SPRED1: variants seen among roughly 807,000 people sequenced by gnomAD.
SPRED1 encodes sprouty-related, EVH1 domain-containing protein 1.
Under a neutral mutation model 52.3 loss-of-function variants are expected in SPRED1, and 18 were observed. The ratio of observed to expected loss-of-function variants is 0.34; its 90% CI spans 0.24 to 0.51. The LOEUF is 0.51. Ranked by LOEUF, SPRED1 falls within the 20% of genes least tolerant of loss-of-function variation. The probability of loss-of-function intolerance (pLI) is 0.97; values close to 1 mark genes in which losing one functional copy is unlikely to be tolerated. For missense variants in SPRED1, 485 were observed against 551.0 expected (o/e 0.88, Z 1.20); for synonymous variants, 155 against 179.7 (o/e 0.86, Z 1.10).
intron 2 of SPRED1, among the ~76,000 whole-genome samples, chr15:38,319,731 T>C (rs1895563615): frequency 6.6e-6 from 1 of 152,212 alleles, no homozygotes; most frequent in South Asian, 2.1e-4. Flanking sequence ...AGCAAAAGTC[T>C]TGAGAGAATT....
At chr15:38,298,511 TAA>T in intron 1 of SPRED1, 1 of 324,940 alleles carries the variant, frequency 3.1e-6, no homozygotes, top group Non-Finnish European at 5.8e-6. Context: ...ACTACTTAGT[TAA>T]AAAAAATTAA....
chr15:38,311,251 C>T (rs1341941875), intron 2 of SPRED1, among the ~76,000 whole-genome samples: 1 of 152,068 alleles, frequency 6.6e-6, no homozygotes, highest in East Asian at 1.9e-4. Flanking sequence ...ATTGAACCAG[C>T]CCTGTTTCTG....
At chr15:38,304,408 A>G (rs1895209896) in intron 2 of SPRED1, among the ~76,000 whole-genome samples, 2 of 152,326 alleles carry the variant, frequency 1.3e-5, no homozygotes, top group East Asian at 1.9e-4. Context: ...CTTGAAAGAT[A>G]CTAGTTCCCC....
chr15:38,272,540 G>T (rs1416133795), intron 1 of SPRED1, among the ~76,000 whole-genome samples: 1 of 152,144 alleles, frequency 6.6e-6, no homozygotes. Flanking sequence ...AAAGTGCTGG[G>T]ATTACAGGTG....
At chr15:38,300,848 A>G (rs1215328160) in intron 2 of SPRED1, among the ~76,000 whole-genome samples, 1 of 152,142 alleles carries the variant, frequency 6.6e-6, no homozygotes, top group East Asian at 1.9e-4. Flanking sequence ...TTAAGCCTGG[A>G]GACATCTAAG....
At chr15:38,277,685 C>T (rs745599060) in intron 1 of SPRED1, among the ~76,000 whole-genome samples, 5 of 152,202 alleles carry the variant, frequency 3.3e-5, no homozygotes, top group South Asian at 2.1e-4. Flanking sequence ...TTTCAGAAAT[C>T]GCCAAACTGC....
At chr15:38,282,524 C>A (rs560114380) in intron 1 of SPRED1, among the ~76,000 whole-genome samples, 6 of 151,212 alleles carry the variant, frequency 4.0e-5, no homozygotes, top group African/African-American at 1.5e-4. Context: ...AAAAAAAATT[C>A]TTATTTCATT....
intron 4 of SPRED1, among the ~76,000 whole-genome samples, chr15:38,336,598 A>G (rs1895928282): frequency 6.6e-6 from 1 of 151,710 alleles, no homozygotes; most frequent in Admixed American, 6.6e-5. Context: ...AATACTACTC[A>G]ACCATAAAAA....
rs1442150511 is a variant in SPRED1 at position 38,299,293 on chromosome 15, T to C, written c.33-80T>C. Reference sequence around the variant, plus strand: ...ACCACATGTTAACTAATGTGTTCTTTGGTTTCTCAAACAAGACTGATGGCT... The same window carrying C: ...ACCACATGTTAACTAATGTGTTCTTCGGTTTCTCAAACAAGACTGATGGCT... On this transcript the variant is annotated intron_variant, in intron 1 of 6. Coordinates refer to ENST00000299084, the MANE Select transcript of SPRED1 (RefSeq NM_152594.3). The C allele has an allele frequency of 2.8e-6, 4 of 1,444,598 alleles. No individual in the cohort carries two copies. The Admixed American group carries it at 5.0e-5, about 18-fold the overall frequency. 89.5% of individuals were successfully genotyped at this position (1,444,598 alleles called of 1,614,324 possible).
chr15:38,316,759 T>TGTTTG (rs1189630803), intron 2 of SPRED1, among the ~76,000 whole-genome samples: 1 of 144,958 alleles, frequency 6.9e-6, no homozygotes, highest in Non-Finnish European at 1.5e-5. Flanking sequence ...TTTTTTTTTT[T>TGTTTG]TTTTTTTTTT....
At chr15:38,280,711 C>G (rs1027001944) in intron 1 of SPRED1, among the ~76,000 whole-genome samples, 3 of 152,068 alleles carry the variant, frequency 2.0e-5, no homozygotes, top group Admixed American at 6.6e-5. Context: ...AATCAAAAGC[C>G]CTTGTTTGCC....
rs1166733928 is a variant in SPRED1, at chr15:38,297,091, C to T, written c.33-2282C>T. Among the ~76,000 whole-genome samples, 4 of 152,148 alleles carry T rather than the reference C, an allele frequency of 2.6e-5. No individual in the cohort carries two copies. In the East Asian group the frequency reaches 7.7e-4, roughly 29 times the overall value. On this transcript the variant is annotated intron_variant, in intron 1 of 6. Transcript: ENST00000299084. ...ACTGGTGCCTTGATCTTGGTTTTCC[C>T]AGCCTCTGGACTTTCAAGCCTCTAG...
At chr15:38,331,283 T>G (rs1359418070) in intron 4 of SPRED1, among the ~76,000 whole-genome samples, 1 of 152,184 alleles carries the variant, frequency 6.6e-6, no homozygotes, top group Non-Finnish European at 1.5e-5. Context: ...ATGTAATTTT[T>G]TTTAAGCTAG....
chr15:38,300,638 C>T (rs973278537), intron 2 of SPRED1, among the ~76,000 whole-genome samples: 1 of 152,086 alleles, frequency 6.6e-6, no homozygotes, highest in Non-Finnish European at 1.5e-5. Flanking sequence ...CGAAAGCCTT[C>T]CTACACTAAT....
chr15:38,314,702 ATGTC>A (rs1483802813), intron 2 of SPRED1, among the ~76,000 whole-genome samples: 2 of 151,952 alleles, frequency 1.3e-5, no homozygotes, highest in African/African-American at 4.8e-5. Flanking sequence ...ATACCTATGT[ATGTC>A]TGACTGTCAA....
chr15:38,352,185 G>A lies in SPRED1; in HGVS notation c.*521G>A, dbSNP rs1888504838. The A allele has an allele frequency of 6.3e-6, 1 of 159,934 alleles. No individual in the cohort carries two copies. Among genetic ancestry groups the A allele is most frequent in the Non-Finnish European group, 1.4e-5 (1 of 72,896 alleles). The allele number at this position is 159,934 out of a possible 1,614,324, so 9.9% of individuals were successfully genotyped here. A position where few individuals can be genotyped will look rare whatever the true frequency, so the allele number is the denominator to read the frequency against. On this transcript the variant is annotated 3_prime_UTR_variant, in exon 7 of 7. Coordinates refer to ENST00000299084, the MANE Select transcript of SPRED1 (RefSeq NM_152594.3). ...AACAAATGTTTATATTTAACTAAATGTAAGGTACGAATTATTACATATTAA... is the reference window on the plus strand; with the variant it reads ...AACAAATGTTTATATTTAACTAAATATAAGGTACGAATTATTACATATTAA...
At chr15:38,339,479 A>T (rs969962813) in intron 4 of SPRED1, among the ~76,000 whole-genome samples, 1 of 152,174 alleles carries the variant, frequency 6.6e-6, no homozygotes, top group Non-Finnish European at 1.5e-5. Context: ...TGACATGGTT[A>T]GCCTTTTAGT....
At chr15:38,290,808 C>T (rs1257533609) in intron 1 of SPRED1, among the ~76,000 whole-genome samples, 1 of 152,152 alleles carries the variant, frequency 6.6e-6, no homozygotes, top group Non-Finnish European at 1.5e-5. Context: ...CTGGGTCCCT[C>T]CTACAACATG....
chr15:38,335,738 A>G (rs2141004413), intron 4 of SPRED1, among the ~76,000 whole-genome samples: 1 of 152,262 alleles, frequency 6.6e-6, no homozygotes, highest in East Asian at 1.9e-4. Context: ...ATCCTGGACA[A>G]CATAGTAAGA....
Sources: allele counts gnomAD v4.1 joint callset (sites outside exome capture counted in the v4.1 genomes callset), GRCh38; gene constraint gnomAD v4.1.1; transcripts MANE v1.5; gene names NCBI Gene and HGNC (gene_info 2026-07-23, HGNC 2026-07-21).